CFAP69: variants seen among roughly 807,000 people sequenced by gnomAD.
CFAP69 encodes the protein cilia and flagella associated protein 69.
Under a neutral mutation model 123.0 loss-of-function variants are expected in CFAP69, and 92 were observed. The ratio of observed to expected loss-of-function variants is 0.75; its 90% CI spans 0.63 to 0.89. CFAP69 has a LOEUF of 0.89. Among genes scored for constraint, CFAP69 ranks in the 40% least tolerant of loss-of-function variants. CFAP69 has a pLI of 0.00. For synonymous variants in CFAP69, 380 were observed against 364.3 expected (o/e 1.04, Z -0.49); for missense variants, 1,067 against 1,096.9 (o/e 0.97, Z 0.39).
intron 5 of CFAP69, among the ~76,000 whole-genome samples, chr7:90,266,720 G>A (rs1799212707): frequency 6.6e-6 from 1 of 151,866 alleles, no homozygotes; most frequent in Admixed American, 6.6e-5. Context: ...CTGACTGCGA[G>A]TACTGCTCTT....
intron 4 of CFAP69, among the ~76,000 whole-genome samples, chr7:90,264,929 G>A (rs1798932959): frequency 1.3e-5 from 2 of 152,022 alleles, no homozygotes; most frequent in African/African-American, 4.8e-5. Context: ...GAGTAGCTGG[G>A]ACTACAGGTG....
the CFAP69 span, chr7:90,319,250 T>C: frequency 5.0e-6 from 2 of 397,412 alleles, no homozygotes; most frequent in Non-Finnish European, 8.9e-6. Flanking sequence ...AAACTAAATA[T>C]GGTAAATTTG....
At chr7:90,267,332 A>G (rs1799283438) in intron 5 of CFAP69, among the ~76,000 whole-genome samples, 1 of 152,064 alleles carries the variant, frequency 6.6e-6, no homozygotes, top group Non-Finnish European at 1.5e-5. Flanking sequence ...GGCTAATGCA[A>G]AAGAGGAATT....
chr7:90,279,344 G>GTTATACGTTTTA (rs772954857), intron 11 of CFAP69, among the ~76,000 whole-genome samples: 1 of 151,946 alleles, frequency 6.6e-6, no homozygotes, highest in Non-Finnish European at 1.5e-5. Context: ...AGTAAAATAC[G>GTTATACGTTTTA]TTATACGTTT....
chr7:90,251,423 G>T (rs762737378), intron 1 of CFAP69, among the ~76,000 whole-genome samples: 1 of 152,158 alleles, frequency 6.6e-6, no homozygotes, highest in African/African-American at 2.4e-5. Context: ...GACAAAAACC[G>T]GGAAAGCTGG....
the CFAP69 span, chr7:90,319,594 C>G: frequency 2.5e-6 from 1 of 398,468 alleles, no homozygotes; most frequent in Non-Finnish European, 4.4e-6. Context: ...TGTCAAAGAG[C>G]AAGCTTTCCA....
the CFAP69 span, chr7:90,318,083 C>T: frequency 6.6e-6 from 1 of 152,134 alleles, no homozygotes; most frequent in Non-Finnish European, 1.5e-5. Flanking sequence ...TTTATAGGCA[C>T]CCTTTATCAA....
chr7:90,299,788 GT>G, intron 16 of CFAP69, 78 bp from the exon 17 acceptor site: 1 of 1,164,636 alleles, frequency 8.6e-7, no homozygotes, highest in South Asian at 1.7e-5. Context: ...TAATAGAAGT[GT>G]TTCTCTCTTT....
intron 15 of CFAP69, among the ~76,000 whole-genome samples, chr7:90,290,898 G>C (rs1791084190): frequency 6.6e-6 from 1 of 151,972 alleles, no homozygotes; most frequent in African/African-American, 2.4e-5. Flanking sequence ...GGGAGGAACT[G>C]AGAATAGTAT....
chr7:90,268,303 C>A lies in CFAP69; in HGVS notation c.451C>A (p.Pro151Thr). The change falls in exon 6 of 23, where the codon CCA (proline) becomes ACA (threonine). Residue 151 changes from proline (P) to threonine (T), a missense_variant. Coordinates refer to ENST00000389297, the MANE Select transcript of CFAP69 (RefSeq NM_001039706.3). ...TCTGGCAGGTGACTTAATGAAAATA[C>A]CAAGTTCTGAATTGAGGATACAAAT... ...IALLGDLMKI[P>T]SSELRIQICK... 6.2e-7 allele frequency: 1 copy of A among 1,607,034 alleles called. No individual in the cohort carries two copies. The highest frequency in any genetic ancestry group is 8.5e-7 in the Non-Finnish European group (1 of 1,177,450).
rs530118920 is a variant in CFAP69, at chr7:90,280,267, G to A, written c.1372+374G>A. ...GGCTATAGTGCAATGGCATGCTCAT[G>A]GCTCACTACAGCCTCAACCTCCTGG... On this transcript the variant is annotated intron_variant, in intron 12 of 22. Coordinates refer to ENST00000389297, the MANE Select transcript of CFAP69 (RefSeq NM_001039706.3). Among the ~76,000 whole-genome samples the A allele has an allele frequency of 1.3e-4, 20 of 152,168 alleles. No homozygotes were observed. The South Asian group carries it at 3.9e-3, about 30-fold the overall frequency.
chr7:90,245,972 A>C (rs1279516259), intron 1 of CFAP69, among the ~76,000 whole-genome samples: 1 of 152,096 alleles, frequency 6.6e-6, no homozygotes, highest in African/African-American at 2.4e-5. Flanking sequence ...TATAGATGTA[A>C]ATTTTCCCAT....
chr7:90,248,838 C>T (rs1796623079), intron 1 of CFAP69, among the ~76,000 whole-genome samples: 1 of 152,144 alleles, frequency 6.6e-6, no homozygotes, highest in African/African-American at 2.4e-5. Context: ...GAACTTAGGA[C>T]ATGTTGCTTG....
intron 1 of CFAP69, among the ~76,000 whole-genome samples, chr7:90,247,896 A>T (rs1056091688): frequency 6.6e-6 from 1 of 152,248 alleles, no homozygotes; most frequent in Non-Finnish European, 1.5e-5. Flanking sequence ...GCAAACTTAT[A>T]CAATAATATA....
intron 13 of CFAP69, among the ~76,000 whole-genome samples, chr7:90,285,140 C>T (rs1015749303): frequency 1.3e-5 from 2 of 152,026 alleles, no homozygotes; most frequent in Non-Finnish European, 2.9e-5. Context: ...GAACTATGGC[C>T]AGTCAAACTG....
rs901417071 is a variant in CFAP69, at chr7:90,279,005, T to A, written c.1156-672T>A. Among the ~76,000 whole-genome samples the A allele has an allele frequency of 2.6e-5, 4 of 152,162 alleles. 1 individual carries two copies. The South Asian group carries it at 8.3e-4, about 31-fold the overall frequency. The stretch of plus-strand genomic sequence containing the variant: ...TTTATTCTCTTGTGAATCATAAATA[T>A]GTATCCATCAGAATCAGCTGTATTA... On this transcript the variant is annotated intron_variant, in intron 11 of 22. Transcript: ENST00000389297.
chr7:90,319,204 A>G, the CFAP69 span: 8 of 396,088 alleles, frequency 2.0e-5, no homozygotes, highest in African/African-American at 8.2e-5. Context: ...TAAAATGAGT[A>G]AAAATGAGAA....
chr7:90,251,423 G>A (rs762737378), intron 1 of CFAP69, among the ~76,000 whole-genome samples: 6 of 152,158 alleles, frequency 3.9e-5, no homozygotes, highest in Non-Finnish European at 7.4e-5. Context: ...GACAAAAACC[G>A]GGAAAGCTGG....
chr7:90,260,352 C>G (rs1211516845), intron 3 of CFAP69, among the ~76,000 whole-genome samples: 2 of 151,700 alleles, frequency 1.3e-5, no homozygotes, highest in African/African-American at 4.8e-5. Context: ...ATAGCAAGAC[C>G]CCATCTCTAA....
Sources: allele counts gnomAD v4.1 joint callset (sites outside exome capture counted in the v4.1 genomes callset), GRCh38; gene constraint gnomAD v4.1.1; transcripts MANE v1.5; gene names NCBI Gene and HGNC (gene_info 2026-07-23, HGNC 2026-07-21).